CDH13: variants seen among roughly 807,000 people sequenced by gnomAD.
The protein encoded by CDH13 is cadherin 13.
In CDH13, 24 loss-of-function variants were observed where a neutral mutation model predicts 63.8. That is an observed-to-expected ratio of 0.38 (90% confidence interval 0.27 to 0.53). The LOEUF is 0.53. CDH13 is among the 20% of genes least tolerant of loss of function. The pLI, the probability that CDH13 is intolerant of heterozygous loss-of-function variation, is 0.85. For synonymous variants in CDH13, 503 were observed against 355.3 expected, an observed-to-expected ratio of 1.42 and a Z score of -4.67; for missense variants, 1,049 against 903.1, an observed-to-expected ratio of 1.16 and a Z score of -2.07.
chr16:83,022,549 C>T (rs538763358), intron 2 of CDH13, among the ~76,000 whole-genome samples: 11 of 152,188 alleles, frequency 7.2e-5, no homozygotes, highest in African/African-American at 2.4e-4. Context: ...CAACTCGAGA[C>T]TTTTTCCAAG....
chr16:83,106,488 C>T (rs1241736846), intron 3 of CDH13, among the ~76,000 whole-genome samples: 2 of 152,178 alleles, frequency 1.3e-5, no homozygotes, highest in Admixed American at 1.3e-4. Flanking sequence ...TTGCGGTGGG[C>T]CGAGATCACG....
At chr16:83,189,877 C>G (rs536499159) in intron 4 of CDH13, among the ~76,000 whole-genome samples, 13 of 152,302 alleles carry the variant, frequency 8.5e-5, no homozygotes, top group African/African-American at 2.4e-4. Flanking sequence ...TTTTCTCATA[C>G]TGTTCTCATG....
In CDH13 at chr16:83,612,527, C is replaced by T. The variant is rs998116257; in HGVS notation, c.1101+9933C>T. On this transcript the variant is annotated intron_variant, in intron 8 of 13. Coordinates refer to ENST00000567109, the MANE Select transcript of CDH13 (RefSeq NM_001257.5). The stretch of plus-strand genomic sequence containing the variant: ...ACATTTAATGCAAGTACAACATATT[C>T]GGGTTTCAATCTACCAGTCTAAGTA... Among the ~76,000 whole-genome samples the T allele has an allele frequency of 1.2e-4, 19 of 152,076 alleles. 1 individual carries two copies. The Middle Eastern group carries it at 0.014, about 110-fold the overall frequency.
chr16:83,562,553 C>A (rs1031633731), intron 7 of CDH13, among the ~76,000 whole-genome samples: 1 of 152,092 alleles, frequency 6.6e-6, no homozygotes, highest in Admixed American at 6.6e-5. Flanking sequence ...TAAGAAGAGA[C>A]CCATGAAAAT....
At chr16:83,712,220 A>G (rs549682147) in intron 10 of CDH13, among the ~76,000 whole-genome samples, 1 of 152,328 alleles carries the variant, frequency 6.6e-6, no homozygotes, top group Non-Finnish European at 1.5e-5. Context: ...AACAGGCACC[A>G]CTAAAATTTG....
At chr16:83,274,641 G>A (rs149910808) in intron 5 of CDH13, among the ~76,000 whole-genome samples, 22 of 152,270 alleles carry the variant, frequency 1.4e-4, no homozygotes, top group Admixed American at 4.6e-4. Context: ...TGCTGAATGA[G>A]TTGAAAATAA....
At chr16:83,583,386 A>C (rs1007065288) in intron 7 of CDH13, among the ~76,000 whole-genome samples, 2 of 152,258 alleles carry the variant, frequency 1.3e-5, no homozygotes, top group South Asian at 4.1e-4. Context: ...CACTCACTTC[A>C]CTTTGAGGAG....
At chr16:83,455,268 A>T (rs1312029344) in intron 6 of CDH13, among the ~76,000 whole-genome samples, 1 of 152,190 alleles carries the variant, frequency 6.6e-6, no homozygotes, top group Admixed American at 6.5e-5. Flanking sequence ...GGCAAGGCCC[A>T]AGAGATTCAC....
intron 3 of CDH13, among the ~76,000 whole-genome samples, chr16:83,033,478 T>C (rs1916566120): frequency 6.6e-6 from 1 of 152,200 alleles, no homozygotes. Context: ...TGTATACGTA[T>C]GTACAGGCAT....
intron 3 of CDH13, among the ~76,000 whole-genome samples, chr16:83,094,563 C>G (rs9934628): frequency 0.39 from 59,587 of 151,952 alleles, 12,392 homozygotes; most frequent in Middle Eastern, 0.56. Context: ...GGAGTATAAT[C>G]TTGGGAGAGG....
At chr16:82,851,645 G>T (rs959249925) in intron 1 of CDH13, among the ~76,000 whole-genome samples, 1 of 145,912 alleles carries the variant, frequency 6.9e-6, no homozygotes, top group Admixed American at 7.0e-5. Context: ...CTCAGCAGGG[G>T]CGTGGACATG....
chr16:83,412,759 G>C (rs1365076832), intron 6 of CDH13, among the ~76,000 whole-genome samples: 1 of 152,214 alleles, frequency 6.6e-6, no homozygotes, highest in Non-Finnish European at 1.5e-5. Context: ...AAGACCCAGT[G>C]AAAGTGGAAC....
At chr16:83,018,449 G>T (rs1915023681) in intron 2 of CDH13, among the ~76,000 whole-genome samples, 1 of 152,144 alleles carries the variant, frequency 6.6e-6, no homozygotes, top group Admixed American at 6.6e-5. Flanking sequence ...GAATTTCCCA[G>T]TTGTAAGAGA....
At chr16:83,043,479 C>T (rs62035075) in intron 3 of CDH13, among the ~76,000 whole-genome samples, 2 of 142,470 alleles carry the variant, frequency 1.4e-5, no homozygotes, top group Non-Finnish European at 3.0e-5. Flanking sequence ...TATATAATAA[C>T]TGTATATATG....
At chr16:83,394,022 C>G (rs987703693) in intron 6 of CDH13, among the ~76,000 whole-genome samples, 1 of 152,014 alleles carries the variant, frequency 6.6e-6, no homozygotes, top group Non-Finnish European at 1.5e-5. Context: ...CGCCTGTTCT[C>G]GTAAGTGGGA....
At position 83,670,676 on chromosome 16, in the gene CDH13, T is replaced by C. The variant is rs899185394; in HGVS notation, c.1102-114T>C. On this transcript the variant is annotated intron_variant, in intron 8 of 13. Coordinates refer to ENST00000567109, the MANE Select transcript of CDH13 (RefSeq NM_001257.5). ...GTATCTTCCAACCGTAATCCTCTTA[T>C]GTTATTATTTATTTTTAAGTGAGAT... is the stretch of plus-strand genomic sequence containing the variant. 13 of 937,948 alleles carry C rather than the reference T, an allele frequency of 1.4e-5. 1 individual carries two copies. The South Asian group carries it at 1.4e-4, about 10-fold the overall frequency. 58.1% of individuals were successfully genotyped at this position (937,948 alleles called of 1,614,324 possible).
chr16:83,469,752 A>G (rs1223182194), intron 6 of CDH13, among the ~76,000 whole-genome samples: 1 of 152,192 alleles, frequency 6.6e-6, no homozygotes, highest in South Asian at 2.1e-4. Flanking sequence ...GGGTTGAATA[A>G]AATGCATTGT....
intron 3 of CDH13, among the ~76,000 whole-genome samples, chr16:83,095,699 A>G (rs2034159149): frequency 6.6e-6 from 1 of 152,204 alleles, no homozygotes; most frequent in African/African-American, 2.4e-5. Flanking sequence ...AGTTAACTGA[A>G]TCAGAACCAT....
intron 3 of CDH13, among the ~76,000 whole-genome samples, chr16:83,055,642 G>A (rs1197919276): frequency 6.6e-6 from 1 of 151,848 alleles, no homozygotes; most frequent in Non-Finnish European, 1.5e-5. Flanking sequence ...AAGTCCAGAT[G>A]GCTTCATGGT....
Sources: allele counts gnomAD v4.1 joint callset (sites outside exome capture counted in the v4.1 genomes callset), GRCh38; gene constraint gnomAD v4.1.1; transcripts MANE v1.5; gene names NCBI Gene and HGNC (gene_info 2026-07-23, HGNC 2026-07-21).